TSC22D3: variants seen among roughly 807,000 people sequenced by gnomAD.
The protein encoded by TSC22D3 is TSC22 domain family protein 3.
In TSC22D3, 4 loss-of-function variants were observed where a neutral mutation model predicts 11.1. That is an observed-to-expected ratio of 0.36 (90% CI 0.18 to 0.83). The LOEUF (loss-of-function observed/expected upper bound fraction) is 0.83. Among genes scored for constraint, TSC22D3 ranks in the 40% least tolerant of loss-of-function variants. The pLI is 0.48. For missense variants in TSC22D3, 118 were observed against 159.4 expected (o/e 0.74, Z 1.40); for synonymous variants, 77 against 70.3 (o/e 1.10, Z -0.48).
intron 1 of TSC22D3, among the ~76,000 whole-genome samples, chrX:107,729,307 G>A (rs1317085074): frequency 9.0e-6 from 1 of 111,586 alleles, no homozygotes; most frequent in Admixed American, 9.5e-5. Flanking sequence ...GGCTGCTGGG[G>A]TTGATGGATT....
chrX:107,773,577 GTTTAT>G (rs199862229), intron 1 of TSC22D3, among the ~76,000 whole-genome samples: 2,685 of 112,017 alleles, frequency 0.024, 74 homozygotes, highest in African/African-American at 0.083. Context: ...CCGCAGCCTG[GTTTAT>G]TTTATTTTAT....
intron 1 of TSC22D3, among the ~76,000 whole-genome samples, chrX:107,753,692 G>A (rs770265090): frequency 9.0e-6 from 1 of 111,471 alleles, no homozygotes; most frequent in East Asian, 2.8e-4. Context: ...ACACAGAAAT[G>A]ACTTCAGTAT....
At chrX:107,745,551 C>A (rs1928610598) in intron 1 of TSC22D3, among the ~76,000 whole-genome samples, 2 of 112,444 alleles carry the variant, frequency 1.8e-5, no homozygotes, top group Admixed American at 9.4e-5. Flanking sequence ...CCCTTCAAAT[C>A]AGAACTGTCT....
rs1426075098 is a variant in TSC22D3, at chrX:107,737,152, G to A, written c.321-21202C>T. Reference sequence around the variant, plus strand: ...GGAATCCAGCAAGGGAAGTTGCAAAGGCCAGACCACGGCTCCCAGGGCCCC... The same window carrying A: ...GGAATCCAGCAAGGGAAGTTGCAAAAGCCAGACCACGGCTCCCAGGGCCCC... On this transcript the variant is annotated intron_variant, in intron 1 of 2. Transcript: ENST00000372383. 2.7e-5 allele frequency among the ~76,000 whole-genome samples: 3 copies of A among 111,958 alleles called. No homozygotes were observed. In the East Asian group the frequency reaches 8.4e-4, roughly 31 times the overall value.
intron 1 of TSC22D3, among the ~76,000 whole-genome samples, chrX:107,774,348 C>T (rs1294589375): frequency 3.6e-5 from 4 of 110,925 alleles, no homozygotes; most frequent in African/African-American, 1.3e-4. Flanking sequence ...CTCCTTGCCT[C>T]CCCAGCAGGA....
At chrX:107,719,185 A>T (rs1303182355) in intron 1 of TSC22D3, among the ~76,000 whole-genome samples, 1 of 112,078 alleles carries the variant, frequency 8.9e-6, no homozygotes, top group Admixed American at 9.4e-5. Context: ...AGGGCACAGG[A>T]CAGAAGTAAA....
intron 1 of TSC22D3, among the ~76,000 whole-genome samples, chrX:107,723,412 G>A (rs1018631459): frequency 8.9e-6 from 1 of 112,396 alleles, no homozygotes; most frequent in African/African-American, 3.2e-5. Flanking sequence ...CCAACTTCTC[G>A]ATCTTTGTCC....
chrX:107,748,824 A>G (rs1201094569), intron 1 of TSC22D3, among the ~76,000 whole-genome samples: 1 of 112,329 alleles, frequency 8.9e-6, no homozygotes. Flanking sequence ...TGCTATGCAA[A>G]TGCGAGGGAT....
chrX:107,727,223 G>C (rs1927681603), intron 1 of TSC22D3, among the ~76,000 whole-genome samples: 1 of 112,336 alleles, frequency 8.9e-6, no homozygotes, highest in Non-Finnish European at 1.9e-5. Flanking sequence ...GAAAAATTGA[G>C]AGGGACTCCC....
At chrX:107,720,815 C>G (rs999602667) in intron 1 of TSC22D3, among the ~76,000 whole-genome samples, 2 of 111,110 alleles carry the variant, frequency 1.8e-5, no homozygotes, top group African/African-American at 6.6e-5. Flanking sequence ...TCTGCTTAAC[C>G]CTCAGCACAC....
chrX:107,734,930 C>T (rs140970610), intron 1 of TSC22D3, among the ~76,000 whole-genome samples: 3,201 of 89,339 alleles, frequency 0.036, 169 homozygotes, highest in African/African-American at 0.14. Context: ...GATGAGGAAG[C>T]AGAACCTCAT....
In TSC22D3 at chrX:107,775,629, A is replaced by T. The variant is rs1322570913; in HGVS notation, c.-210T>A. Reference sequence around the variant, plus strand: ...GGTGCGAATAGAAACAGCTGGACAAACAGCTCCGAGCGGATCCTTCGGGCT... The same window carrying T: ...GGTGCGAATAGAAACAGCTGGACAATCAGCTCCGAGCGGATCCTTCGGGCT... On this transcript the variant is annotated 5_prime_UTR_variant, in exon 1 of 3. Coordinates refer to ENST00000372383, the MANE Select transcript of TSC22D3 (RefSeq NM_198057.3). The T allele has an allele frequency of 8.5e-6, 3 of 351,027 alleles. No homozygotes were observed. The highest frequency in any genetic ancestry group is 1.5e-5 in the Non-Finnish European group (3 of 203,159). The allele number at this position is 351,027 out of a possible 1,213,427, so 28.9% of individuals were successfully genotyped here. A position where few individuals can be genotyped will look rare whatever the true frequency, so the allele number is the denominator to read the frequency against.
At chrX:107,756,726 CT>C (rs1929197740) in intron 1 of TSC22D3, among the ~76,000 whole-genome samples, 1 of 112,768 alleles carries the variant, frequency 8.9e-6, no homozygotes, top group Non-Finnish European at 1.9e-5. Flanking sequence ...GCCCTTATTC[CT>C]GGTCAAGTGT....
intron 1 of TSC22D3, among the ~76,000 whole-genome samples, chrX:107,724,771 AT>A (rs201151332): frequency 0.013 from 1,509 of 112,865 alleles, 22 homozygotes; most frequent in African/African-American, 0.046. Context: ...CTCATACTGC[AT>A]ACTGGGAACG....
At position 107,765,828 on chromosome X, in the gene TSC22D3, C is replaced by T. The variant is rs184170141; in HGVS notation, c.320+9272G>A. 4.4e-3 allele frequency among the ~76,000 whole-genome samples: 495 copies of T among 112,217 alleles called. 2 individuals carry two copies. Among genetic ancestry groups the T allele is most frequent in the African/African-American group, 0.015 (458 of 30,873 alleles). On this transcript the variant is annotated intron_variant, in intron 1 of 2. Coordinates refer to ENST00000372383, the MANE Select transcript of TSC22D3 (RefSeq NM_198057.3). ...AAAATTCTGCATCTCCATCTCAGGT[C>T]CCCTAATTTTCACTGGATTCTGTGA...
At chrX:107,717,478 C>G (rs1288283389) in intron 1 of TSC22D3, among the ~76,000 whole-genome samples, 1 of 111,986 alleles carries the variant, frequency 8.9e-6, no homozygotes, top group African/African-American at 3.3e-5. Context: ...AGTCACTGCC[C>G]TCTCAGTCTC....
chrX:107,768,999 C>G (rs1202863249), intron 1 of TSC22D3, among the ~76,000 whole-genome samples: 1 of 112,696 alleles, frequency 8.9e-6, no homozygotes. Flanking sequence ...GCACCAGCAG[C>G]TGGCTTAGAG....
At chrX:107,747,687 T>A (rs1278520563) in intron 1 of TSC22D3, among the ~76,000 whole-genome samples, 1 of 113,180 alleles carries the variant, frequency 8.8e-6, no homozygotes, top group East Asian at 2.8e-4. Context: ...CACTCGGCTG[T>A]TGCCGTTGCT....
At chrX:107,774,821 C>T in intron 1 of TSC22D3, 1 of 383,998 alleles carries the variant, frequency 2.6e-6, no homozygotes, top group South Asian at 5.5e-5. Flanking sequence ...GTACTTTCAG[C>T]TACCTCCAAA....
Sources: gnomAD v4.1 joint callset for allele counts (sites outside exome capture counted in the v4.1 genomes callset) on GRCh38, gnomAD v4.1.1 for gene constraint, MANE v1.5 for transcripts, NCBI Gene and HGNC (gene_info 2026-07-23, HGNC 2026-07-21) for gene names.